The following PDE10A variants were observed in gnomAD, a reference collection of about 807,000 sequenced individuals.
PDE10A encodes phosphodiesterase 10A, also known as cAMP and cAMP-inhibited cGMP 3',5'-cyclic phosphodiesterase 10A.
In PDE10A, 39 loss-of-function variants were observed where a neutral mutation model predicts 97.7. The observed-to-expected ratio is 0.40, with a 90% CI of 0.31 to 0.52. The LOEUF (loss-of-function observed/expected upper bound fraction) is 0.52. Ranked by LOEUF, PDE10A falls within the 20% of genes least tolerant of loss-of-function variation. PDE10A has a pLI of 0.56. For synonymous variants in PDE10A, 371 were observed against 376.8 expected (o/e 0.98, Z 0.18); for missense variants, 731 against 1,047.8 (o/e 0.70, Z 4.17).
chr6:165,504,020 A>G (rs1781051583), intron 2 of PDE10A, among the ~76,000 whole-genome samples: 1 of 152,202 alleles, frequency 6.6e-6, no homozygotes, highest in Non-Finnish European at 1.5e-5. Context: ...ATTATAATCA[A>G]TTACAAAAGT....
At chr6:165,474,103 G>C (rs1372056358) in intron 3 of PDE10A, among the ~76,000 whole-genome samples, 1 of 152,084 alleles carries the variant, frequency 6.6e-6, no homozygotes, top group Non-Finnish European at 1.5e-5. Context: ...CCTCCTTTTT[G>C]GGGGAATGTC....
At chr6:165,572,530 G>A (rs747036174) in intron 1 of PDE10A, among the ~76,000 whole-genome samples, 3 of 152,184 alleles carry the variant, frequency 2.0e-5, no homozygotes, top group Non-Finnish European at 4.4e-5. Context: ...AATCCAAAAT[G>A]TCATTTTAAC....
chr6:165,384,936 G>T (rs899838897), intron 17 of PDE10A, among the ~76,000 whole-genome samples: 1 of 152,132 alleles, frequency 6.6e-6, no homozygotes, highest in East Asian at 1.9e-4. Context: ...CTGTCTGTGT[G>T]GCCAGAGGAT....
intron 1 of PDE10A, among the ~76,000 whole-genome samples, chr6:165,909,469 T>C (rs1782394620): frequency 6.6e-6 from 1 of 152,230 alleles, no homozygotes; most frequent in African/African-American, 2.4e-5. Flanking sequence ...GAAAATGGCT[T>C]CCTGGTTTTA....
At chr6:165,622,851 C>T (rs1788209768) in intron 1 of PDE10A, among the ~76,000 whole-genome samples, 1 of 152,136 alleles carries the variant, frequency 6.6e-6, no homozygotes, top group South Asian at 2.1e-4. Flanking sequence ...GGAGGTGGGG[C>T]CCCGTGGGAG....
chr6:165,417,659 CA>C (rs1406518878), intron 11 of PDE10A, among the ~76,000 whole-genome samples: 2 of 151,924 alleles, frequency 1.3e-5, no homozygotes, highest in Non-Finnish European at 2.9e-5. Flanking sequence ...AACAAACAGA[CA>C]AAAAAATTTT....
chr6:165,456,855 T>C (rs16897890), intron 3 of PDE10A, among the ~76,000 whole-genome samples: 13,809 of 152,282 alleles, frequency 0.091, 720 homozygotes, highest in East Asian at 0.2. Flanking sequence ...AGCAAAATGT[T>C]TTTACTATAA....
In PDE10A at chr6:165,499,628, G is replaced by A. The variant is rs116682570; in HGVS notation, c.995-17285C>T. 1.7e-3 allele frequency among the ~76,000 whole-genome samples: 262 copies of A among 152,172 alleles called. 3 individuals are homozygous for A. Among genetic ancestry groups the A allele is most frequent in the African/African-American group, 6.0e-3 (248 of 41,512 alleles). ...GATCAATGAATATTCATTTCCCTTT[G>A]TCTATAGCTTGAAGTGACAAAACTT... On this transcript the variant is annotated intron_variant, in intron 2 of 21. Coordinates refer to ENST00000539869, the MANE Select transcript of PDE10A (RefSeq NM_001385079.1).
intron 1 of PDE10A, among the ~76,000 whole-genome samples, chr6:165,859,793 C>A (rs914696623): frequency 2.6e-4 from 40 of 152,064 alleles, no homozygotes; most frequent in African/African-American, 9.4e-4. Flanking sequence ...ATCACAGTTT[C>A]TTTATGCACT....
At chr6:165,839,989 C>G (rs1780206494) in intron 1 of PDE10A, among the ~76,000 whole-genome samples, 26 of 95,510 alleles carry the variant, frequency 2.7e-4, no homozygotes, top group South Asian at 3.5e-4. Context: ...ATCCCCATCT[C>G]CAACTCCATC....
intron 17 of PDE10A, among the ~76,000 whole-genome samples, chr6:165,384,631 AGTGTGTGTGTGTGTGTGT>A (rs57175607): frequency 7.5e-5 from 5 of 66,954 alleles, no homozygotes; most frequent in South Asian, 4.7e-4. Context: ...TGTGTGAGTG[AGTGTGTGTGTGTGTGTGT>A]GTGTGTGTGT....
intron 18 of PDE10A, among the ~76,000 whole-genome samples, chr6:165,376,012 T>C (rs1049381251): frequency 6.6e-6 from 1 of 152,230 alleles, no homozygotes; most frequent in Non-Finnish European, 1.5e-5. Flanking sequence ...ACATGATTAA[T>C]GCATTTTCAA....
In PDE10A at chr6:165,551,322, A is replaced by G. The variant is rs1784003895; in HGVS notation, c.866-7754T>C. 2.0e-5 allele frequency among the ~76,000 whole-genome samples: 3 copies of G among 152,146 alleles called. No homozygotes were observed. The South Asian group carries it at 6.2e-4, about 32-fold the overall frequency. ...TTACCTCTCATGCATTTATACTACA[A>G]CTGTTTCACCTCCTTCCCCACCAAA... On this transcript the variant is annotated intron_variant, in intron 1 of 21. Coordinates refer to ENST00000539869, the MANE Select transcript of PDE10A (RefSeq NM_001385079.1).
chr6:165,630,901 T>C (rs1012547981), intron 1 of PDE10A, among the ~76,000 whole-genome samples: 4 of 152,198 alleles, frequency 2.6e-5, no homozygotes, highest in African/African-American at 4.8e-5. Flanking sequence ...GCAGCTCCTC[T>C]AGAATCGGCT....
At chr6:165,379,083 T>G in intron 18 of PDE10A, 111 bp downstream of exon 18, 1 of 720,078 alleles carries the variant, frequency 1.4e-6, no homozygotes, top group Non-Finnish European at 2.2e-6. Context: ...CATGTAAATT[T>G]TTTACATTCC....
At chr6:165,463,111 C>T (rs1457054232) in intron 3 of PDE10A, among the ~76,000 whole-genome samples, 4 of 152,186 alleles carry the variant, frequency 2.6e-5, no homozygotes, top group African/African-American at 9.7e-5. Context: ...GCTTGAATTG[C>T]ACCTCTCAGT....
chr6:165,430,449 C>T (rs1789470040), intron 8 of PDE10A, 104 bp from the exon 9 acceptor site: 1 of 663,934 alleles, frequency 1.5e-6, no homozygotes, highest in Admixed American at 2.8e-5. Context: ...AGGCCTAACA[C>T]AATCACTTGG....
chr6:165,490,373 A>C lies in PDE10A; in HGVS notation c.995-8030T>G, dbSNP rs1780158887. ...CTTCAAAAACAAAGGAAAGATAGAG[A>C]CTTTTTCAGACAAACAAATGCCAAG... On this transcript the variant is annotated intron_variant, in intron 2 of 21. Transcript: ENST00000539869. Among the ~76,000 whole-genome samples the C allele has an allele frequency of 2.0e-5, 3 of 152,328 alleles. No individual in the cohort carries two copies. The South Asian group carries it at 6.2e-4, about 32-fold the overall frequency.
chr6:165,591,145 AT>A (rs1017675395), intron 1 of PDE10A, among the ~76,000 whole-genome samples: 10 of 152,204 alleles, frequency 6.6e-5, no homozygotes, highest in Non-Finnish European at 1.0e-4. Context: ...AAGACAGGAA[AT>A]CAAAAGATCA....
Sources: gnomAD v4.1 joint callset for allele counts (sites outside exome capture counted in the v4.1 genomes callset) on GRCh38, gnomAD v4.1.1 for gene constraint, MANE v1.5 for transcripts, NCBI Gene and HGNC (gene_info 2026-07-23, HGNC 2026-07-21) for gene names.